The following NAV3 variants were observed in gnomAD, a reference collection of about 807,000 sequenced individuals.
NAV3 encodes the protein pore membrane and/or filament interacting like protein 1.
In NAV3, 87 loss-of-function variants were observed where a neutral mutation model predicts 244.7. The ratio of observed to expected loss-of-function variants is 0.36; its 90% CI spans 0.30 to 0.42. NAV3 has a LOEUF of 0.42. Ranked by LOEUF, NAV3 falls within the 20% of genes least tolerant of loss-of-function variation. The pLI, the probability that NAV3 is intolerant of heterozygous loss-of-function variation, is 1.00. For missense variants in NAV3, 2,663 were observed against 2,893.3 expected (o/e 0.92, Z 1.83); for synonymous variants, 1,126 against 1,042.2 (o/e 1.08, Z -1.55).
rs1020740209 is a variant in NAV3, at chr12:77,602,563, A to G, written c.72+30297A>G. On this transcript the variant is annotated intron_variant, in intron 2 of 8. Transcript: ENST00000550042. ...TAATAGCAGAGATCTAAAGGATAAC[A>G]TTGGGAGGAATGCTAGGAAATAGGT... 2.6e-5 allele frequency among the ~76,000 whole-genome samples: 4 copies of G among 152,070 alleles called. No individual in the cohort carries two copies. In the South Asian group the frequency reaches 8.3e-4, roughly 31 times the overall value.
chr12:77,829,669 C>T (rs750751984), upstream of NAV3, among the ~76,000 whole-genome samples: 3 of 152,106 alleles, frequency 2.0e-5, no homozygotes, highest in East Asian at 1.9e-4. Context: ...TGTATTACCC[C>T]GCTGTGTAAA....
chr12:77,594,959 G>A (rs1035397117), intron 2 of NAV3, among the ~76,000 whole-genome samples: 10 of 152,072 alleles, frequency 6.6e-5, no homozygotes, highest in African/African-American at 1.9e-4. Flanking sequence ...TTGTTGGTGC[G>A]CATATAAATT....
In NAV3 at chr12:78,170,440, C is replaced by A. The variant is rs556020023; in HGVS notation, c.4981+1574C>A. ...CTCTCTCCTGAACCATGACCACAAA[C>A]CCCTAAATAGCCTTCCTCTTCTTAA... On this transcript the variant is annotated intron_variant, in intron 24 of 39. Transcript: ENST00000397909. Among the ~76,000 whole-genome samples, 26 of 151,782 alleles carry A rather than the reference C, an allele frequency of 1.7e-4. No individual in the cohort carries two copies. The South Asian group carries it at 5.0e-3, about 29-fold the overall frequency.
intron 2 of NAV3, among the ~76,000 whole-genome samples, chr12:77,787,464 A>G (rs1390723787): frequency 6.6e-6 from 1 of 152,146 alleles, no homozygotes. Flanking sequence ...GAAACTTACA[A>G]TCATGATGGA....
At chr12:77,766,735 G>GTATGTTTTTTTTTT (rs1869777346) in intron 2 of NAV3, among the ~76,000 whole-genome samples, 1 of 60,516 alleles carries the variant, frequency 1.7e-5, no homozygotes, top group Non-Finnish European at 3.0e-5. Flanking sequence ...AGGCAATTAA[G>GTATGTTTTTTTTTT]TTTTTTTTTT....
intron 5 of NAV3, among the ~76,000 whole-genome samples, chr12:77,976,555 T>C (rs1425904948): frequency 6.6e-6 from 1 of 152,042 alleles, no homozygotes; most frequent in Non-Finnish European, 1.5e-5. Flanking sequence ...TCATAACTTA[T>C]ATGGAGCCCT....
chr12:77,658,312 T>C (rs1338182602), intron 2 of NAV3, among the ~76,000 whole-genome samples: 33 of 150,904 alleles, frequency 2.2e-4, no homozygotes, highest in African/African-American at 4.9e-4. Context: ...TATACACCAA[T>C]AACAGACAAA....
At chr12:77,779,703 A>C (rs1278139377) in intron 2 of NAV3, among the ~76,000 whole-genome samples, 2 of 152,178 alleles carry the variant, frequency 1.3e-5, no homozygotes, top group Non-Finnish European at 2.9e-5. Context: ...CTTGGTTGTA[A>C]TTCTAGATTT....
At chr12:77,884,936 G>T (rs986828398) in intron 1 of NAV3, among the ~76,000 whole-genome samples, 2 of 152,016 alleles carry the variant, frequency 1.3e-5, no homozygotes, top group African/African-American at 4.8e-5. Context: ...CCCATTTTCA[G>T]AAATATTATG....
chr12:78,053,438 A>G (rs1883056171), intron 11 of NAV3, among the ~76,000 whole-genome samples: 1 of 152,098 alleles, frequency 6.6e-6, no homozygotes, highest in African/African-American at 2.4e-5. Flanking sequence ...CAACTGATCA[A>G]TACATAAACT....
intron 8 of NAV3, among the ~76,000 whole-genome samples, chr12:78,018,724 C>G (rs973434113): frequency 6.6e-6 from 1 of 152,202 alleles, no homozygotes; most frequent in African/African-American, 2.4e-5. Context: ...TGTGACACTT[C>G]TTTGCAGGCA....
chr12:77,780,212 T>A (rs1870594880), intron 2 of NAV3, among the ~76,000 whole-genome samples: 1 of 152,134 alleles, frequency 6.6e-6, no homozygotes, highest in Admixed American at 6.5e-5. Context: ...TGTGGCACTC[T>A]CCCTGGTCTT....
chr12:77,587,906 G>A (rs1368004703), intron 2 of NAV3, among the ~76,000 whole-genome samples: 1 of 152,052 alleles, frequency 6.6e-6, no homozygotes, highest in Non-Finnish European at 1.5e-5. Context: ...ACTTTCCCGA[G>A]GTTAACTGCT....
chr12:77,932,921 C>T (rs1888950546), intron 1 of NAV3, among the ~76,000 whole-genome samples: 1 of 152,156 alleles, frequency 6.6e-6, no homozygotes, highest in Non-Finnish European at 1.5e-5. Context: ...CTCTGTTCCT[C>T]TGTAGATGTA....
At chr12:77,681,791 C>A (rs530419742) in intron 2 of NAV3, among the ~76,000 whole-genome samples, 2 of 152,240 alleles carry the variant, frequency 1.3e-5, no homozygotes, top group South Asian at 4.1e-4. Context: ...CAATTTATAC[C>A]TCTCTCTCCC....
chr12:78,200,498 C>G lies in NAV3; in HGVS notation c.6741C>G (p.Pro2247=), dbSNP rs377644895. The G allele has an allele frequency of 1.3e-6, 2 of 1,589,334 alleles. No individual in the cohort carries two copies. The highest frequency in any genetic ancestry group is 2.7e-5 in the African/African-American group (2 of 73,932). ...GTCCCCGACTATTCCTTCCTTGCCC[C>G]ATGGATGTAGAAGGTTCTAGAGTAT... is the stretch of plus-strand genomic sequence containing the variant. ...TIGPRLFLPC[P]MDVEGSRVWF... The change falls in exon 38 of 40, where the codon CCC becomes CCG. Residue 2247 remains proline, a synonymous_variant. Transcript: ENST00000397909.
At chr12:78,111,636 C>T (rs150646247) in intron 12 of NAV3, among the ~76,000 whole-genome samples, 259 of 152,248 alleles carry the variant, frequency 1.7e-3, no homozygotes, top group African/African-American at 5.8e-3. Context: ...CTGAAATTCT[C>T]ATTCCTTGTG....
chr12:78,168,979 A>G (rs188736651), intron 24 of NAV3, 113 bp downstream of exon 24: 5 of 616,040 alleles, frequency 8.1e-6, no homozygotes, highest in African/African-American at 7.6e-5. Flanking sequence ...AATACATACT[A>G]GTTGTATTAA....
At chr12:77,920,667 C>A (rs568225802) in intron 1 of NAV3, among the ~76,000 whole-genome samples, 1 of 152,074 alleles carries the variant, frequency 6.6e-6, no homozygotes, top group South Asian at 2.1e-4. Context: ...TACTCAAACA[C>A]CTTCTGGTTC....
Sources: gnomAD v4.1 joint callset for allele counts (sites outside exome capture counted in the v4.1 genomes callset) on GRCh38, gnomAD v4.1.1 for gene constraint, MANE v1.5 for transcripts, NCBI Gene and HGNC (gene_info 2026-07-23, HGNC 2026-07-21) for gene names.